Variants in DPP10 observed in about 807,000 individuals in gnomAD.
DPP10 encodes dipeptidyl peptidase like 10.
DPP10 carries 33 observed loss-of-function variants against 120.9 expected under a neutral mutation model. The observed-to-expected ratio is 0.27, with a 90% CI of 0.21 to 0.37. The LOEUF (loss-of-function observed/expected upper bound fraction) is 0.37. Among genes scored for constraint, DPP10 ranks in the 10% least tolerant of loss-of-function variants. The pLI is 1.00. For missense variants in DPP10, 816 were observed against 942.8 expected, an observed-to-expected ratio of 0.87 and a Z score of 1.76; for synonymous variants, 337 against 326.1, an observed-to-expected ratio of 1.03 and a Z score of -0.36.
chr2:115,619,896 G>T (rs542539264), intron 5 of DPP10, among the ~76,000 whole-genome samples: 1 of 152,072 alleles, frequency 6.6e-6, no homozygotes, highest in African/African-American at 2.4e-5. Flanking sequence ...AATTTGGGAA[G>T]GATATTGAAA....
At chr2:115,085,135 A>G (rs745524974) in intron 1 of DPP10, among the ~76,000 whole-genome samples, 1 of 152,242 alleles carries the variant, frequency 6.6e-6, no homozygotes, top group Non-Finnish European at 1.5e-5. Context: ...AATGAATAGC[A>G]TTCTGCAGTT....
intron 3 of DPP10, among the ~76,000 whole-genome samples, chr2:115,466,534 C>T (rs2074336831): frequency 6.6e-6 from 1 of 151,992 alleles, no homozygotes; most frequent in South Asian, 2.1e-4. Flanking sequence ...TAAGAGTATT[C>T]TACAATAAAT....
chr2:115,569,083 A>G (rs1267178932), intron 5 of DPP10, among the ~76,000 whole-genome samples: 1 of 152,196 alleles, frequency 6.6e-6, no homozygotes, highest in Non-Finnish European at 1.5e-5. Flanking sequence ...CTTTGCAACA[A>G]TTGCATGCTA....
chr2:115,429,779 G>A (rs2070805702), intron 3 of DPP10, among the ~76,000 whole-genome samples: 1 of 152,148 alleles, frequency 6.6e-6, no homozygotes, highest in African/African-American at 2.4e-5. Flanking sequence ...GACAAGGTAA[G>A]GTAGATATGG....
chr2:114,874,786 T>C (rs2106574610), intron 1 of DPP10, among the ~76,000 whole-genome samples: 1 of 152,224 alleles, frequency 6.6e-6, no homozygotes, highest in South Asian at 2.1e-4. Context: ...TATTACTGCC[T>C]GGATTTTACA....
intron 5 of DPP10, among the ~76,000 whole-genome samples, chr2:115,599,349 G>A (rs986783292): frequency 6.6e-6 from 1 of 152,042 alleles, no homozygotes; most frequent in African/African-American, 2.4e-5. Context: ...CTTAGGCCCT[G>A]TTAGGTTGGT....
chr2:115,735,925 A>G (rs1313685734), intron 8 of DPP10, among the ~76,000 whole-genome samples: 2 of 151,972 alleles, frequency 1.3e-5, no homozygotes, highest in African/African-American at 2.4e-5. Flanking sequence ...CTGAGTTCCA[A>G]ATGTATTTCT....
intron 1 of DPP10, among the ~76,000 whole-genome samples, chr2:114,534,416 A>G (rs1686315218): frequency 6.6e-6 from 1 of 152,154 alleles, no homozygotes; most frequent in African/African-American, 2.4e-5. Context: ...TGAACTACTC[A>G]GAGGTTTATT....
intron 5 of DPP10, among the ~76,000 whole-genome samples, chr2:115,665,447 A>T (rs2089370971): frequency 6.6e-6 from 1 of 152,206 alleles, no homozygotes; most frequent in Non-Finnish European, 1.5e-5. Context: ...GTGTGAAAAA[A>T]GTGTGCACCT....
chr2:114,823,359 C>T (rs1376431440), intron 1 of DPP10, among the ~76,000 whole-genome samples: 1 of 152,018 alleles, frequency 6.6e-6, no homozygotes, highest in African/African-American at 2.4e-5. Flanking sequence ...TCTAATCACC[C>T]CCCACGAAGT....
At chr2:114,517,306 A>G (rs1684672397) in intron 1 of DPP10, among the ~76,000 whole-genome samples, 1 of 152,158 alleles carries the variant, frequency 6.6e-6, no homozygotes. Context: ...GGATCACCTG[A>G]TGTCAGGAGT....
At chr2:115,403,124 A>G (rs1294730566) in intron 3 of DPP10, among the ~76,000 whole-genome samples, 1 of 151,540 alleles carries the variant, frequency 6.6e-6, no homozygotes, top group East Asian at 1.9e-4. Flanking sequence ...ATGCAGATCA[A>G]TAAATGTGAT....
At chr2:114,930,439 T>G (rs1695981834) in intron 1 of DPP10, among the ~76,000 whole-genome samples, 1 of 152,214 alleles carries the variant, frequency 6.6e-6, no homozygotes, top group Admixed American at 6.5e-5. Flanking sequence ...ACAGCATTCT[T>G]AAATTTGTCC....
intron 1 of DPP10, among the ~76,000 whole-genome samples, chr2:114,551,258 A>G (rs898385391): frequency 6.6e-6 from 1 of 152,158 alleles, no homozygotes; most frequent in East Asian, 1.9e-4. Flanking sequence ...TTCCTAAAAC[A>G]TATTCTCAGT....
In DPP10 at chr2:115,438,265, T is replaced by C. The variant is rs144716528; in HGVS notation, c.272-61245T>C. On this transcript the variant is annotated intron_variant, in intron 3 of 25. Coordinates refer to ENST00000410059, the MANE Select transcript of DPP10 (RefSeq NM_020868.6). Reference sequence around the variant, plus strand: ...AAAATAACAAGTGTTAACAAGGATGTGGAGAAATTAATTGGAATCTTTGTG... The same window carrying C: ...AAAATAACAAGTGTTAACAAGGATGCGGAGAAATTAATTGGAATCTTTGTG... Among the ~76,000 whole-genome samples, 224 of 152,220 alleles carry C rather than the reference T, an allele frequency of 1.5e-3. 1 individual carries two copies. The highest frequency in any genetic ancestry group is 4.7e-3 in the African/African-American group (196 of 41,556).
In DPP10 at chr2:115,693,799, T is replaced by C. The variant is rs988196613; in HGVS notation, c.576+3878T>C. ...TACTAGCTGTTGATCTTGAGAACAT[T>C]ATTTAATCTTGATATGGCTTACTGT... On this transcript the variant is annotated intron_variant, in intron 7 of 25. Transcript: ENST00000410059. Among the ~76,000 whole-genome samples the C allele has an allele frequency of 1.7e-4, 26 of 152,278 alleles. No homozygotes were observed. The East Asian group carries it at 4.8e-3, about 28-fold the overall frequency.
At chr2:115,071,708 C>T (rs188347669) in intron 1 of DPP10, among the ~76,000 whole-genome samples, 192 of 151,806 alleles carry the variant, frequency 1.3e-3, no homozygotes, top group Non-Finnish European at 2.3e-3. Context: ...ATGAGCTCTA[C>T]GGAGCATTTG....
intron 5 of DPP10, among the ~76,000 whole-genome samples, chr2:115,554,481 G>T (rs931732016): frequency 2.0e-5 from 3 of 151,906 alleles, no homozygotes; most frequent in Admixed American, 2.0e-4. Flanking sequence ...TGGGGTAGAT[G>T]CACTAAATAA....
At chr2:115,717,018 T>C (rs956391490) in intron 7 of DPP10, among the ~76,000 whole-genome samples, 1 of 152,214 alleles carries the variant, frequency 6.6e-6, no homozygotes, top group African/African-American at 2.4e-5. Context: ...ACAATACAAA[T>C]GTAAAAACAA....
Sources: allele counts gnomAD v4.1 joint callset (sites outside exome capture counted in the v4.1 genomes callset), GRCh38; gene constraint gnomAD v4.1.1; transcripts MANE v1.5; gene names NCBI Gene and HGNC (gene_info 2026-07-23, HGNC 2026-07-21).